The following DOCK10 variants were observed in gnomAD, a reference collection of about 807,000 sequenced individuals.
DOCK10 encodes dedicator of cytokinesis protein 10.
Under a neutral mutation model 280.1 loss-of-function variants are expected in DOCK10, and 145 were observed. That is an observed-to-expected ratio of 0.52 (90% CI 0.45 to 0.59). The LOEUF is 0.59. Ranked by LOEUF, DOCK10 falls within the 20% of genes least tolerant of loss-of-function variation. DOCK10 has a pLI of 0.00. For synonymous variants in DOCK10, 915 were observed against 942.2 expected (o/e 0.97, Z 0.53); for missense variants, 2,368 against 2,651.7 (o/e 0.89, Z 2.35).
chr2:224,980,820 T>C (rs1395307637), intron 1 of DOCK10, among the ~76,000 whole-genome samples: 1 of 152,194 alleles, frequency 6.6e-6, no homozygotes, highest in African/African-American at 2.4e-5. Flanking sequence ...TTTATTTTCC[T>C]CATTAGTATA....
chr2:224,943,920 C>T (rs113504148), intron 1 of DOCK10, among the ~76,000 whole-genome samples: 238 of 152,072 alleles, frequency 1.6e-3, no homozygotes, highest in African/African-American at 4.4e-3. Flanking sequence ...CGTGCCACCA[C>T]GGCCGGCTAA....
chr2:224,892,872 G>A (rs1457640146), intron 4 of DOCK10, among the ~76,000 whole-genome samples: 1 of 152,232 alleles, frequency 6.6e-6, no homozygotes, highest in Non-Finnish European at 1.5e-5. Flanking sequence ...CAATCTTCAA[G>A]CTCAGTCACA....
rs140104432 is a variant in DOCK10, at chr2:224,921,057, C to A, written c.244-4273G>T. On this transcript the variant is annotated intron_variant, in intron 2 of 55. Transcript: ENST00000258390. ...ACCAATTGAGGTCAAGAGTTTGAGACCAGCCTGGCCAACATGGGAAAACAC... is the reference window on the plus strand; with the variant it reads ...ACCAATTGAGGTCAAGAGTTTGAGAACAGCCTGGCCAACATGGGAAAACAC... Among the ~76,000 whole-genome samples the A allele has an allele frequency of 4.5e-3, 585 of 130,912 alleles. 12 individuals are homozygous for A. Among genetic ancestry groups the A allele is most frequent in the African/African-American group, 0.017 (560 of 32,328 alleles). 85.9% of individuals were successfully genotyped at this position (130,912 alleles called of 152,430 possible).
chr2:224,897,141 A>G (rs1039306880), intron 3 of DOCK10, among the ~76,000 whole-genome samples: 3 of 152,282 alleles, frequency 2.0e-5, no homozygotes, highest in Non-Finnish European at 4.4e-5. Context: ...TCAGTAACCA[A>G]TCTTTTCCAT....
chr2:224,985,871 A>G (rs1357089496), intron 1 of DOCK10, among the ~76,000 whole-genome samples: 2 of 152,262 alleles, frequency 1.3e-5, no homozygotes, highest in Non-Finnish European at 1.5e-5. Context: ...AATATGTCCA[A>G]AGACCTTTTT....
Position 225,042,427 on chromosome 2 carries a change from T to G in DOCK10, c.-53A>C. ...CCCGGGGCGCGCCTCCCGCCGGTCT[T>G]CCCCGCGCCAACCTTCTCTATCCAC... On this transcript the variant is annotated 5_prime_UTR_variant, in exon 1 of 56. Transcript: ENST00000258390. This position sits in a 1 kb window ranked among gnomAD's most constrained non-coding sequence, Gnocchi z 5.1. 4.9e-6 allele frequency: 6 copies of G among 1,227,650 alleles called. No individual in the cohort carries two copies. In the South Asian group the frequency reaches 2.2e-4, roughly 45 times the overall value. The allele number at this position is 1,227,650 out of a possible 1,614,324, so 76.0% of individuals were successfully genotyped here.
chr2:224,864,493 G>A, intron 13 of DOCK10, 60 bp downstream of exon 13: 1 of 1,451,806 alleles, frequency 6.9e-7, no homozygotes, highest in African/African-American at 1.4e-5. Flanking sequence ...CTGGGTGACA[G>A]GGAGAGACTC....
At chr2:224,833,586 C>A (rs1232241533) in intron 26 of DOCK10, among the ~76,000 whole-genome samples, 1 of 152,048 alleles carries the variant, frequency 6.6e-6, no homozygotes, top group African/African-American at 2.4e-5. Context: ...ACTCACAATG[C>A]CCAATTCTTA....
chr2:224,855,064 GACACACACACACACACACACACAC>G, intron 15 of DOCK10, 22 bp from the exon 16 acceptor site: 1 of 574,242 alleles, frequency 1.7e-6, no homozygotes, highest in Non-Finnish European at 3.0e-6. Flanking sequence ...CATGAGCAAG[GACACACACACACACACACACACAC>G]ACACACACAC....
At position 224,774,031 on chromosome 2, in the gene DOCK10, T is replaced by A. The variant is rs567311434; in HGVS notation, c.6014-684A>T. 4.6e-5 allele frequency among the ~76,000 whole-genome samples: 7 copies of A among 152,348 alleles called. No homozygotes were observed. In the South Asian group the frequency reaches 1.4e-3, roughly 32 times the overall value. ...CCACAATACAGAATGCCTAAATATA[T>A]ACCAAGTAGTATATATTGATATAGC... On this transcript the variant is annotated intron_variant, in intron 52 of 55. Transcript: ENST00000258390.
chr2:224,896,428 G>C (rs1394315957), intron 3 of DOCK10, 51 bp from the exon 4 acceptor site: 23 of 1,227,474 alleles, frequency 1.9e-5, no homozygotes, highest in Middle Eastern at 4.5e-4. Flanking sequence ...TCATTAAAAG[G>C]CTGGGCGCGG....
chr2:224,864,004 C>G (rs1697700470), intron 13 of DOCK10, among the ~76,000 whole-genome samples: 1 of 152,186 alleles, frequency 6.6e-6, no homozygotes, highest in Non-Finnish European at 1.5e-5. Context: ...TATTAATACT[C>G]TGATCCTTGG....
chr2:224,977,676 C>T lies in DOCK10; in HGVS notation c.124-46008G>A, dbSNP rs73993939. 1.2e-3 allele frequency among the ~76,000 whole-genome samples: 180 copies of T among 152,192 alleles called. 1 individual carries two copies. Among genetic ancestry groups the T allele is most frequent in the African/African-American group, 4.1e-3 (171 of 41,532 alleles). ...TAAAGGAATTTCTTCATTTTTTCCC[C>T]GTTAAACTTGACTGCATCGTAACAG... On this transcript the variant is annotated intron_variant, in intron 1 of 55. Coordinates refer to ENST00000258390, the MANE Select transcript of DOCK10 (RefSeq NM_014689.3).
At chr2:225,020,738 A>C (rs546444237) in intron 1 of DOCK10, among the ~76,000 whole-genome samples, 1 of 152,360 alleles carries the variant, frequency 6.6e-6, no homozygotes, top group South Asian at 2.1e-4. Flanking sequence ...CTTCACCTTC[A>C]GAAATCCAAT....
chr2:224,845,112 C>T, intron 21 of DOCK10, 91 bp downstream of exon 21: 2 of 1,343,988 alleles, frequency 1.5e-6, no homozygotes, highest in South Asian at 2.8e-5. Flanking sequence ...GACATGTCCA[C>T]TATGATCTTA....
At chr2:224,862,478 T>G (rs190637761) in intron 14 of DOCK10, 186 bp downstream of exon 14, 43 of 566,492 alleles carry the variant, frequency 7.6e-5, no homozygotes, top group Non-Finnish European at 1.2e-4. Flanking sequence ...TAAACTGTAT[T>G]GCTAAACTGT....
chr2:224,893,619 A>G (rs1286007182), intron 4 of DOCK10: 2 of 452,310 alleles, frequency 4.4e-6, no homozygotes, highest in Non-Finnish European at 9.0e-6. Flanking sequence ...GCCTGAAGTC[A>G]TCTATTTCTT....
chr2:224,841,846 AT>A lies in DOCK10; in HGVS notation c.2618del (p.Asp873ValfsTer18). Reference protein sequence around the residue: ...FFQECQKREKDMSQSPTSNFI... With the variant: ...FFQECQKREKXMSQSPTSNFI... ...AATTTGAGGTAGGTGACTGAGACAT[AT>A]CTTTCTCTCTTTTTTGGCACTCTTG... is the stretch of plus-strand genomic sequence containing the variant. On this transcript the variant is annotated frameshift_variant, in exon 23 of 56. Coordinates refer to ENST00000258390, the MANE Select transcript of DOCK10 (RefSeq NM_014689.3). LOFTEE classifies it high-confidence loss of function. 1 of 1,613,670 alleles carries A rather than the reference AT, an allele frequency of 6.2e-7. No homozygotes were observed. The highest frequency in any genetic ancestry group is 8.5e-7 in the Non-Finnish European group (1 of 1,179,624).
intron 24 of DOCK10, 121 bp from the exon 25 acceptor site, chr2:224,837,952 A>G (rs948414430): frequency 1.3e-6 from 1 of 749,816 alleles, no homozygotes; most frequent in Non-Finnish European, 2.3e-6. Flanking sequence ...TGAATGAACC[A>G]ATCTCTGACT....
Sources: allele counts gnomAD v4.1 joint callset (sites outside exome capture counted in the v4.1 genomes callset), GRCh38; gene constraint gnomAD v4.1.1; non-coding constraint Gnocchi (gnomAD v3.1); transcripts MANE v1.5; gene names NCBI Gene and HGNC (gene_info 2026-07-23, HGNC 2026-07-21).